Variants in CADPS2 observed in about 807,000 individuals in gnomAD.
CADPS2 encodes calcium-dependent secretion activator 2.
CADPS2 carries 93 observed loss-of-function variants against 172.5 expected under a neutral mutation model. The observed-to-expected ratio is 0.54, with a 90% CI of 0.46 to 0.64. The LOEUF is 0.64. Among genes scored for constraint, CADPS2 ranks in the 30% least tolerant of loss-of-function variants. The pLI, the probability that CADPS2 is intolerant of heterozygous loss-of-function variation, is 0.00. For synonymous variants in CADPS2, 546 were observed against 555.2 expected, an observed-to-expected ratio of 0.98 and a Z score of 0.23; for missense variants, 1,420 against 1,565.9, an observed-to-expected ratio of 0.91 and a Z score of 1.57.
rs553459252 is a variant in CADPS2, at chr7:122,338,521, T to C, written c.3612+7053A>G. 5.1e-4 allele frequency among the ~76,000 whole-genome samples: 78 copies of C among 152,272 alleles called. No individual in the cohort carries two copies. The South Asian group carries it at 0.014, about 27-fold the overall frequency. On this transcript the variant is annotated intron_variant, in intron 28 of 29. Transcript: ENST00000449022. ...GAAAAGGAAAATAATGGCTATGACA[T>C]GGGAATAATATTAGTATTTGAGTGT... is the stretch of plus-strand genomic sequence containing the variant.
intron 1 of CADPS2, among the ~76,000 whole-genome samples, chr7:122,767,208 C>G (rs1460480728): frequency 2.0e-5 from 3 of 152,162 alleles, no homozygotes; most frequent in Non-Finnish European, 4.4e-5. Flanking sequence ...CAGACATCCA[C>G]ATTTACAGGA....
In CADPS2 at chr7:122,886,450, A is replaced by G; in HGVS notation, c.-113T>C. The G allele has an allele frequency of 7.3e-7, 1 of 1,367,542 alleles. No homozygotes were observed. Among genetic ancestry groups the G allele is most frequent in the Non-Finnish European group, 9.4e-7 (1 of 1,062,854 alleles). The allele number at this position is 1,367,542 out of a possible 1,614,324, so 84.7% of individuals were successfully genotyped here. A position where few individuals can be genotyped will look rare whatever the true frequency, so the allele number is the denominator to read the frequency against. On this transcript the variant is annotated 5_prime_UTR_variant, in exon 1 of 30. Coordinates refer to ENST00000449022, the MANE Select transcript of CADPS2 (RefSeq NM_017954.11). The stretch of plus-strand genomic sequence containing the variant: ...GGCTGGCTGCAGCGGCCGCAGAACG[A>G]AAGGAAAACTGGCCAGGGCTTTCCG...
intron 3 of CADPS2, among the ~76,000 whole-genome samples, chr7:122,641,150 C>A (rs2077599130): frequency 6.6e-6 from 1 of 151,984 alleles, no homozygotes; most frequent in African/African-American, 2.4e-5. Context: ...ACTTTGCTCA[C>A]AGATGTCCTT....
At chr7:122,399,239 T>C (rs900503293) in intron 20 of CADPS2, among the ~76,000 whole-genome samples, 1 of 152,232 alleles carries the variant, frequency 6.6e-6, no homozygotes, top group Non-Finnish European at 1.5e-5. Flanking sequence ...TAATTTGAGT[T>C]ATACTTCTAC....
intron 1 of CADPS2, among the ~76,000 whole-genome samples, chr7:122,776,707 C>T (rs2093894127): frequency 6.6e-6 from 1 of 152,138 alleles, no homozygotes; most frequent in Non-Finnish European, 1.5e-5. Context: ...TGTTGAATGG[C>T]TTTGACCAAA....
At chr7:122,859,823 AT>A (rs899012308) in intron 1 of CADPS2, among the ~76,000 whole-genome samples, 4 of 152,018 alleles carry the variant, frequency 2.6e-5, no homozygotes, top group African/African-American at 9.7e-5. Flanking sequence ...TTTTTTGTTT[AT>A]TTGTAATTTT....
At chr7:122,731,614 A>C (rs986864990) in intron 2 of CADPS2, among the ~76,000 whole-genome samples, 3 of 151,600 alleles carry the variant, frequency 2.0e-5, no homozygotes, top group East Asian at 3.9e-4. Flanking sequence ...GAATTTGTGT[A>C]CATTTTAGCA....
At chr7:122,713,345 C>CT (rs1346130768) in intron 2 of CADPS2, among the ~76,000 whole-genome samples, 11 of 152,204 alleles carry the variant, frequency 7.2e-5, no homozygotes, top group African/African-American at 2.6e-4. Flanking sequence ...GGCAACCTAT[C>CT]TAAACTCATG....
intron 1 of CADPS2, among the ~76,000 whole-genome samples, chr7:122,835,469 G>C (rs1387482446): frequency 1.3e-5 from 2 of 152,194 alleles, no homozygotes; most frequent in Admixed American, 6.5e-5. Flanking sequence ...GAAGGCTTCA[G>C]ATAATCAAAC....
chr7:122,863,135 C>T (rs1817398597), intron 1 of CADPS2, among the ~76,000 whole-genome samples: 1 of 152,256 alleles, frequency 6.6e-6, no homozygotes, highest in African/African-American at 2.4e-5. Context: ...ATTATTGCTG[C>T]TGGTGACATT....
intron 25 of CADPS2, among the ~76,000 whole-genome samples, chr7:122,367,638 G>A (rs1468485449): frequency 1.4e-5 from 2 of 139,776 alleles, no homozygotes; most frequent in Non-Finnish European, 3.0e-5. Context: ...TCTGCCTCCT[G>A]AGTGCAAGTG....
chr7:122,681,365 C>T (rs1446017389), intron 2 of CADPS2: 6 of 1,490,488 alleles, frequency 4.0e-6, no homozygotes, highest in East Asian at 2.3e-5. Context: ...GCCGCGGCCA[C>T]GTGCAACCTG....
intron 3 of CADPS2, among the ~76,000 whole-genome samples, chr7:122,654,059 A>G (rs1363944323): frequency 6.6e-6 from 1 of 152,228 alleles, no homozygotes; most frequent in African/African-American, 2.4e-5. Flanking sequence ...TCATAAGAAG[A>G]GACGGGTCAA....
intron 7 of CADPS2, among the ~76,000 whole-genome samples, chr7:122,577,822 TTTTTCTGCA>T (rs1165226054): frequency 3.9e-5 from 6 of 152,064 alleles, no homozygotes; most frequent in Non-Finnish European, 8.8e-5. Context: ...GCACTGTCAG[TTTTTCTGCA>T]TTTTCGCCAT....
At chr7:122,732,500 GAT>G (rs1430950407) in intron 2 of CADPS2, among the ~76,000 whole-genome samples, 1 of 149,904 alleles carries the variant, frequency 6.7e-6, no homozygotes, top group Non-Finnish European at 1.5e-5. Flanking sequence ...CGAGTACAAA[GAT>G]ATCTTTTCAA....
intron 9 of CADPS2, among the ~76,000 whole-genome samples, chr7:122,509,883 A>C (rs879653113): frequency 9.8e-5 from 15 of 152,318 alleles, no homozygotes; most frequent in Admixed American, 2.6e-4. Context: ...GTACTTGCTT[A>C]ATAAGTATTA....
intron 4 of CADPS2, among the ~76,000 whole-genome samples, chr7:122,625,086 T>C (rs1002499255): frequency 6.6e-6 from 1 of 151,870 alleles, no homozygotes. Context: ...GTTTCGCTCT[T>C]GTTGCCCAAG....
chr7:122,410,065 A>T (rs2047113281), intron 19 of CADPS2, among the ~76,000 whole-genome samples: 1 of 151,972 alleles, frequency 6.6e-6, no homozygotes, highest in Non-Finnish European at 1.5e-5. Flanking sequence ...TACTACTGGC[A>T]GGGTGCGGTG....
chr7:122,722,324 G>T (rs1211564657), intron 2 of CADPS2, among the ~76,000 whole-genome samples: 1 of 151,966 alleles, frequency 6.6e-6, no homozygotes, highest in East Asian at 1.9e-4. Context: ...TCCTTAAGCT[G>T]ATAAGCAACT....
Sources: gnomAD v4.1 joint callset for allele counts (sites outside exome capture counted in the v4.1 genomes callset) on GRCh38, gnomAD v4.1.1 for gene constraint, MANE v1.5 for transcripts, NCBI Gene and HGNC (gene_info 2026-07-23, HGNC 2026-07-21) for gene names.